RABGAP1L: variants seen among roughly 807,000 people sequenced by gnomAD.
RABGAP1L encodes RAB GTPase activating protein 1 like.
RABGAP1L carries 63 observed loss-of-function variants against 137.7 expected under a neutral mutation model. That is an observed-to-expected ratio of 0.46 (90% CI 0.37 to 0.56). The LOEUF (loss-of-function observed/expected upper bound fraction) is 0.56. Ranked by LOEUF, RABGAP1L falls within the 20% of genes least tolerant of loss-of-function variation. The pLI, the probability that RABGAP1L is intolerant of heterozygous loss-of-function variation, is 0.00. For synonymous variants in RABGAP1L, 431 were observed against 433.7 expected (o/e 0.99, Z 0.08); for missense variants, 1,095 against 1,244.0 (o/e 0.88, Z 1.80).
intron 13 of RABGAP1L, among the ~76,000 whole-genome samples, chr1:174,629,558 G>T (rs547340141): frequency 6.6e-6 from 1 of 151,628 alleles, no homozygotes; most frequent in Non-Finnish European, 1.5e-5. Flanking sequence ...TTTTTGAGAC[G>T]GAGTCTCGCT....
intron 19 of RABGAP1L, among the ~76,000 whole-genome samples, chr1:174,843,268 G>C (rs1467456903): frequency 1.4e-5 from 2 of 140,964 alleles, no homozygotes; most frequent in Non-Finnish European, 1.5e-5. Flanking sequence ...GGGTACATGT[G>C]CACATTGTGC....
chr1:174,933,094 G>T (rs142469034), intron 19 of RABGAP1L, among the ~76,000 whole-genome samples: 5 of 151,846 alleles, frequency 3.3e-5, no homozygotes, highest in African/African-American at 9.7e-5. Flanking sequence ...ATACATACAT[G>T]CATACATACA....
intron 12 of RABGAP1L, among the ~76,000 whole-genome samples, chr1:174,375,488 GGAGA>G (rs1360393328): frequency 1.3e-5 from 2 of 151,924 alleles, no homozygotes; most frequent in Non-Finnish European, 2.9e-5. Context: ...GAAAAACAAG[GGAGA>G]GAGAGAACAC....
At chr1:174,703,388 C>A (rs865833525) in intron 17 of RABGAP1L, among the ~76,000 whole-genome samples, 2 of 152,294 alleles carry the variant, frequency 1.3e-5, no homozygotes, top group African/African-American at 2.4e-5. Flanking sequence ...GCCTCCAGTT[C>A]CATCCATGTT....
chr1:174,459,762 CTGTA>C, intron 13 of RABGAP1L, among the ~76,000 whole-genome samples: 1 of 152,134 alleles, frequency 6.6e-6, no homozygotes, highest in Admixed American at 6.5e-5. Context: ...GGAGGACTGA[CTGTA>C]TATGCTTTTA....
At chr1:174,266,445 A>G (rs929265468) in intron 7 of RABGAP1L, among the ~76,000 whole-genome samples, 4 of 152,180 alleles carry the variant, frequency 2.6e-5, no homozygotes, top group Admixed American at 6.5e-5. Flanking sequence ...TTTAGAACCT[A>G]TGTGTGTATA....
rs191839652 is a variant in RABGAP1L, at chr1:174,163,143, C to A, written c.-34+3486C>A. Among the ~76,000 whole-genome samples, 178 of 152,184 alleles carry A rather than the reference C, an allele frequency of 1.2e-3. 1 individual carries two copies. Among genetic ancestry groups the A allele is most frequent in the African/African-American group, 4.2e-3 (174 of 41,520 alleles). ...TGAGCCTGAGTTATGGTAAAACATA[C>A]TCATTTTTAAAGGAGAGTTTTAATG... On this transcript the variant is annotated intron_variant, in intron 1 of 25. Coordinates refer to ENST00000681986, the MANE Select transcript of RABGAP1L (RefSeq NM_001366446.1).
intron 13 of RABGAP1L, among the ~76,000 whole-genome samples, chr1:174,505,979 C>T (rs1224139151): frequency 6.6e-6 from 1 of 152,152 alleles, no homozygotes; most frequent in Non-Finnish European, 1.5e-5. Context: ...GTTAGAAATT[C>T]TGTCATATAC....
chr1:174,589,652 G>T (rs1669400029), intron 13 of RABGAP1L, among the ~76,000 whole-genome samples: 1 of 152,076 alleles, frequency 6.6e-6, no homozygotes, highest in African/African-American at 2.4e-5. Context: ...GAGAGAAAGG[G>T]GTCTAGTTTC....
chr1:174,545,972 C>T (rs1371700599), intron 13 of RABGAP1L: 1 of 151,922 alleles, frequency 6.6e-6, no homozygotes, highest in Non-Finnish European at 1.5e-5. Flanking sequence ...TCTATTTTAG[C>T]ATTAAAGTAG....
At chr1:174,615,794 C>T (rs769177330) in intron 13 of RABGAP1L, among the ~76,000 whole-genome samples, 3 of 152,210 alleles carry the variant, frequency 2.0e-5, no homozygotes, top group African/African-American at 7.2e-5. Context: ...GGGCGCCCCT[C>T]CCCCAGCCTC....
chr1:174,722,537 T>C (rs332793), intron 17 of RABGAP1L, among the ~76,000 whole-genome samples: 56,509 of 151,284 alleles, frequency 0.37, 13,876 homozygotes, highest in African/African-American at 0.7. Context: ...GCAACCTCTG[T>C]CTCCTGGGTT....
intron 13 of RABGAP1L, among the ~76,000 whole-genome samples, chr1:174,556,675 A>C (rs563377305): frequency 6.6e-6 from 1 of 152,352 alleles, no homozygotes; most frequent in African/African-American, 2.4e-5. Flanking sequence ...GTCTTGAGGA[A>C]GTTCTTTAGT....
intron 13 of RABGAP1L, among the ~76,000 whole-genome samples, chr1:174,617,560 C>G (rs1248073018): frequency 2.0e-5 from 3 of 152,126 alleles, no homozygotes; most frequent in Non-Finnish European, 4.4e-5. Context: ...CATGCATCTT[C>G]TACTTTTAGG....
At chr1:174,623,436 T>C (rs148877145) in intron 13 of RABGAP1L, among the ~76,000 whole-genome samples, 43 of 152,282 alleles carry the variant, frequency 2.8e-4, no homozygotes, top group Non-Finnish European at 5.6e-4. Flanking sequence ...TCATGGAAGC[T>C]GACAGAAAGC....
chr1:174,381,196 G>T lies in RABGAP1L; in HGVS notation c.1559+10124G>T, dbSNP rs1267899570. On this transcript the variant is annotated intron_variant, in intron 12 of 25. Coordinates refer to ENST00000681986, the MANE Select transcript of RABGAP1L (RefSeq NM_001366446.1). ...TGTTCTTTTACATTTGCTGAGGAGAGCTTTACTTCCAACTCTGTGGTCAAT... is the reference window on the plus strand; with the variant it reads ...TGTTCTTTTACATTTGCTGAGGAGATCTTTACTTCCAACTCTGTGGTCAAT... Among the ~76,000 whole-genome samples the T allele has an allele frequency of 3.4e-5, 5 of 145,154 alleles. No individual in the cohort carries two copies. The East Asian group carries it at 6.2e-4, about 18-fold the overall frequency.
chr1:174,954,280 A>G (rs1186130152), intron 19 of RABGAP1L: 2 of 152,174 alleles, frequency 1.3e-5, no homozygotes, highest in South Asian at 2.1e-4. Context: ...CACAAGATAA[A>G]TAAGCTTGGA....
At chr1:174,390,867 A>C (rs1331351147) in intron 12 of RABGAP1L, among the ~76,000 whole-genome samples, 1 of 152,192 alleles carries the variant, frequency 6.6e-6, no homozygotes, top group Non-Finnish European at 1.5e-5. Context: ...AGACTTGGGC[A>C]TACTGACTTT....
At chr1:174,413,289 G>A (rs536263656) in intron 13 of RABGAP1L, among the ~76,000 whole-genome samples, 3 of 152,094 alleles carry the variant, frequency 2.0e-5, no homozygotes, top group Non-Finnish European at 4.4e-5. Context: ...TTCCTTAAGT[G>A]AATTTTTTAA....
Sources: allele counts gnomAD v4.1 joint callset (sites outside exome capture counted in the v4.1 genomes callset), GRCh38; gene constraint gnomAD v4.1.1; transcripts MANE v1.5; gene names NCBI Gene and HGNC (gene_info 2026-07-23, HGNC 2026-07-21).